Variants in MPHOSPH9 observed in about 807,000 individuals in gnomAD.
MPHOSPH9 encodes the protein M-phase phosphoprotein 9.
In MPHOSPH9, 88 loss-of-function variants were observed where a neutral mutation model predicts 145.5. The observed-to-expected ratio is 0.60, with a 90% CI of 0.51 to 0.72. The LOEUF (loss-of-function observed/expected upper bound fraction) is 0.72. MPHOSPH9 is among the 30% of genes least tolerant of loss of function. MPHOSPH9 has a pLI of 0.00. For missense variants in MPHOSPH9, 1,238 were observed against 1,386.6 expected (o/e 0.89, Z 1.70); for synonymous variants, 435 against 486.2 (o/e 0.89, Z 1.39).
chr12:123,157,379 T>C (rs2043913132), intron 23 of MPHOSPH9, among the ~76,000 whole-genome samples: 1 of 63,588 alleles, frequency 1.6e-5, no homozygotes, highest in Non-Finnish European at 3.6e-5. Context: ...AAGGATACTT[T>C]TCTTAAAAAA....
intron 23 of MPHOSPH9, among the ~76,000 whole-genome samples, chr12:123,157,639 C>T (rs879340707): frequency 6.6e-6 from 1 of 152,046 alleles, no homozygotes; most frequent in East Asian, 1.9e-4. Flanking sequence ...CACCACCACA[C>T]CTGGCTGATT....
rs2044882923 is a variant in MPHOSPH9, at chr12:123,176,705, C to T, written c.2439G>A (p.Val813=). Residue 813 remains valine, a synonymous_variant, in exon 16 of 24, where the codon GTG becomes GTA. Transcript: ENST00000606320. ...TAACTTACTTGGCACGCGAGGGTCT[C>T]ACGTGAATTCTAGAATTATGACGAA... is the stretch of plus-strand genomic sequence containing the variant. ...LSLRHNSRIH[V]RPSRANTLAT... is the part of the protein sequence containing the mutation. 2 of 1,613,462 alleles carry T rather than the reference C, an allele frequency of 1.2e-6. No homozygotes were observed. Among genetic ancestry groups the T allele is most frequent in the Admixed American group, 3.3e-5 (2 of 59,980 alleles).
intron 21 of MPHOSPH9, 119 bp from the exon 22 acceptor site, chr12:123,161,502 AG>A (rs2044105289): frequency 6.9e-6 from 7 of 1,007,360 alleles, no homozygotes; most frequent in Middle Eastern, 3.0e-4. Context: ...GGCCCAAAAA[AG>A]TAATGAAAAG....
intron 6 of MPHOSPH9, among the ~76,000 whole-genome samples, chr12:123,215,701 T>A (rs1287025822): frequency 1.3e-5 from 2 of 152,344 alleles, no homozygotes; most frequent in East Asian, 3.9e-4. Flanking sequence ...GCAAGAAATG[T>A]GTTTCCAGAG....
Position 123,193,106 on chromosome 12 carries a change from T to TACAC in MPHOSPH9, c.2241+1279_2241+1280insGTGT, listed in dbSNP as rs1425195261. On this transcript the variant is annotated intron_variant, in intron 13 of 23. Coordinates refer to ENST00000606320, the MANE Select transcript of MPHOSPH9 (RefSeq NM_022782.4). Reference sequence around the variant, plus strand: ...AAAAAAAAAAAAAAAAATATATATATATACACACACACACACACACACACA... The same window carrying TACAC: ...AAAAAAAAAAAAAAAAATATATATATACACATACACACACACACACACACACACA... Among the ~76,000 whole-genome samples, 148 of 97,214 alleles carry TACAC rather than the reference T, an allele frequency of 1.5e-3. 1 individual carries two copies. The highest frequency in any genetic ancestry group is 6.3e-3 in the African/African-American group (140 of 22,076). 63.8% of individuals were successfully genotyped at this position (97,214 alleles called of 152,430 possible).
At chr12:123,172,871 CTTTTTTT>C (rs1161727056) in intron 16 of MPHOSPH9, among the ~76,000 whole-genome samples, 246 of 57,946 alleles carry the variant, frequency 4.2e-3, no homozygotes, top group African/African-American at 0.012. Context: ...TTTTCATTCA[CTTTTTTT>C]TTTTTTTTTT....
intron 16 of MPHOSPH9, among the ~76,000 whole-genome samples, chr12:123,168,323 G>A (rs910667316): frequency 2.0e-5 from 3 of 150,156 alleles, no homozygotes; most frequent in African/African-American, 4.9e-5. Flanking sequence ...CCGCCTGACC[G>A]CCTGGCAACA....
chr12:123,221,098 C>T (rs2047182236), intron 5 of MPHOSPH9, among the ~76,000 whole-genome samples: 1 of 152,200 alleles, frequency 6.6e-6, no homozygotes, highest in African/African-American at 2.4e-5. Flanking sequence ...ACATGTATGA[C>T]AAACTTCCAC....
chr12:123,221,365 T>C lies in MPHOSPH9; in HGVS notation c.872+7A>G. ...AACTCCCTTCAAATGATAGAAATTC[T>C]ACTTACCTATTTGTTTTCCCACTGT... On this transcript the variant is annotated splice_region_variant and intron_variant, in intron 5 of 23. Coordinates refer to ENST00000606320, the MANE Select transcript of MPHOSPH9 (RefSeq NM_022782.4). The C allele has an allele frequency of 6.4e-7, 1 of 1,555,528 alleles. No homozygotes were observed. Among genetic ancestry groups the C allele is most frequent in the Non-Finnish European group, 8.7e-7 (1 of 1,151,856 alleles).
At chr12:123,168,155 T>C (rs1054345750) in intron 16 of MPHOSPH9, among the ~76,000 whole-genome samples, 1 of 151,972 alleles carries the variant, frequency 6.6e-6, no homozygotes, top group Non-Finnish European at 1.5e-5. Context: ...TCACGATACT[T>C]TCTCTCTCAC....
chr12:123,194,322 G>A (rs1385559650), intron 13 of MPHOSPH9, 64 bp downstream of exon 13: 14 of 912,128 alleles, frequency 1.5e-5, no homozygotes, highest in South Asian at 5.3e-5. Context: ...TCACTTGTAA[G>A]AGTATAATAC....
chr12:123,206,134 C>G (rs1240599084), intron 8 of MPHOSPH9, among the ~76,000 whole-genome samples: 1 of 152,026 alleles, frequency 6.6e-6, no homozygotes, highest in Non-Finnish European at 1.5e-5. Context: ...TGGGAAAACA[C>G]AGAAACTAAC....
intron 11 of MPHOSPH9, among the ~76,000 whole-genome samples, chr12:123,198,991 G>A (rs998981441): frequency 1.3e-5 from 2 of 151,580 alleles, no homozygotes; most frequent in Non-Finnish European, 2.9e-5. Flanking sequence ...TAGAGGTTGG[G>A]GTAGGGAGAT....
intron 15 of MPHOSPH9, among the ~76,000 whole-genome samples, chr12:123,179,268 A>G (rs2045013427): frequency 6.6e-6 from 1 of 152,142 alleles, no homozygotes; most frequent in Non-Finnish European, 1.5e-5. Context: ...ACTTCTAAAA[A>G]AAGTTTTTAA....
chr12:123,160,491 T>C (rs986346461), intron 23 of MPHOSPH9: 7 of 327,828 alleles, frequency 2.1e-5, no homozygotes, highest in Middle Eastern at 8.9e-4. Context: ...TAGTGTAAAA[T>C]CTGTTGAAAA....
In MPHOSPH9 at chr12:123,171,859, T is replaced by C. The variant is rs557671983; in HGVS notation, c.2456+4829A>G. ...CATCCAGCTTTATAAATCTTGGTTATATATTCTTTAAATTAAGAGTAGAAC... is the reference window on the plus strand; with the variant it reads ...CATCCAGCTTTATAAATCTTGGTTACATATTCTTTAAATTAAGAGTAGAAC... On this transcript the variant is annotated intron_variant, in intron 16 of 23. Coordinates refer to ENST00000606320, the MANE Select transcript of MPHOSPH9 (RefSeq NM_022782.4). Among the ~76,000 whole-genome samples, 8 of 152,298 alleles carry C rather than the reference T, an allele frequency of 5.3e-5. 1 individual carries two copies. In the South Asian group the frequency reaches 1.7e-3, roughly 32 times the overall value.
Position 123,221,475 on chromosome 12 carries a change from G to C in MPHOSPH9, c.769C>G (p.His257Asp), listed in dbSNP as rs2047198229. ...GATACATCTTCCTTTAAAGACACAT[G>C]ACACTCTTCAGGAGTCTGTATATAA... ...NFYIQTPEEC[H>D]VSLKEDVSIS... is the part of the protein sequence containing the mutation. Residue 257 changes from histidine (H) to aspartate (D), a missense_variant, in exon 5 of 24, where the codon CAT (histidine) becomes GAT (aspartate). Physicochemically the swap from His to Asp is moderately conservative, Grantham distance 81 (BLOSUM62 -1). This residue lies in a region of MPHOSPH9 where 837 missense variants were observed against 897.5 expected (regional missense o/e 0.93). Transcript: ENST00000606320. The C allele has an allele frequency of 6.2e-7, 1 of 1,613,820 alleles. No individual in the cohort carries two copies. Among genetic ancestry groups the C allele is most frequent in the Non-Finnish European group, 8.5e-7 (1 of 1,179,792 alleles).
intron 13 of MPHOSPH9, among the ~76,000 whole-genome samples, chr12:123,188,576 G>A (rs538402021): frequency 1.4e-3 from 208 of 152,262 alleles, no homozygotes; most frequent in Non-Finnish European, 2.4e-3. Flanking sequence ...GGCCAGGCAC[G>A]GTGGCTCACG....
intron 2 of MPHOSPH9, among the ~76,000 whole-genome samples, chr12:123,229,592 C>T (rs1453200083): frequency 6.6e-6 from 1 of 152,122 alleles, no homozygotes; most frequent in Admixed American, 6.6e-5. Context: ...CAACATAAAA[C>T]ATCAATTGTC....
Sources: gnomAD v4.1 joint callset for allele counts (sites outside exome capture counted in the v4.1 genomes callset) on GRCh38, gnomAD v4.1.1 for gene constraint, gnomAD v4.1.1 regional missense constraint, MANE v1.5 for transcripts, NCBI Gene and HGNC (gene_info 2026-07-23, HGNC 2026-07-21) for gene names.